Variants in SLC26A8 observed in about 807,000 individuals in gnomAD.
The protein encoded by SLC26A8 is testis anion transporter 1.
A neutral mutation model predicts 105.0 loss-of-function variants in SLC26A8; 70 were observed. The observed-to-expected ratio is 0.67, with a 90% CI of 0.55 to 0.81. SLC26A8 has a LOEUF of 0.81. Among genes scored for constraint, SLC26A8 ranks in the 40% least tolerant of loss-of-function variants. SLC26A8 has a pLI of 0.00. For synonymous variants in SLC26A8, 415 were observed against 438.3 expected, an observed-to-expected ratio of 0.95 and a Z score of 0.66; for missense variants, 998 against 1,181.8, an observed-to-expected ratio of 0.84 and a Z score of 2.28.
intron 19 of SLC26A8, among the ~76,000 whole-genome samples, chr6:35,946,950 A>G (rs1387399369): frequency 6.6e-6 from 1 of 151,772 alleles, no homozygotes; most frequent in East Asian, 1.9e-4. Flanking sequence ...TCAGTCTCCC[A>G]AAGTGCTGAC....
At chr6:36,004,035 T>G (rs1358930840) in intron 3 of SLC26A8, among the ~76,000 whole-genome samples, 2 of 151,656 alleles carry the variant, frequency 1.3e-5, no homozygotes, top group African/African-American at 2.4e-5. Flanking sequence ...CATTTTGAAC[T>G]TTATATTAAG....
At chr6:35,949,774 T>A (rs1771796232) in intron 19 of SLC26A8, among the ~76,000 whole-genome samples, 1 of 152,020 alleles carries the variant, frequency 6.6e-6, no homozygotes, top group Non-Finnish European at 1.5e-5. Flanking sequence ...GTTGTTTTTT[T>A]ATTAACTACC....
At chr6:36,000,220 T>A (rs1185199894) in intron 3 of SLC26A8, 112 bp from the exon 4 acceptor site, 7 of 672,950 alleles carry the variant, frequency 1.0e-5, no homozygotes, top group Non-Finnish European at 1.8e-5. Flanking sequence ...GCTGACTGAG[T>A]GTGGTAATAG....
chr6:36,020,968 T>C (rs1317702221), intron 1 of SLC26A8, among the ~76,000 whole-genome samples: 1 of 152,220 alleles, frequency 6.6e-6, no homozygotes, highest in Non-Finnish European at 1.5e-5. Context: ...TGGGCATTTA[T>C]CCTATGCCAT....
At position 35,977,317 on chromosome 6, in the gene SLC26A8, G is replaced by A; in HGVS notation, c.1060C>T (p.Leu354Phe). Residue 354 changes from leucine to phenylalanine, a missense_variant, in exon 9 of 20, where the codon CTT becomes TTT. Physicochemically the swap from Leu to Phe is conservative, Grantham distance 22 (BLOSUM62 0). Coordinates refer to ENST00000490799, the MANE Select transcript of SLC26A8 (RefSeq NM_052961.4). ...AAGGCTTGTAAAATTATCTTGGGAA[G>A]AAGGCTGAAATCTGGTGTTACAGGA... Reference protein sequence around the residue: ...LLPVTPDFSLLPKIILQAFSL... With the variant: ...LLPVTPDFSLFPKIILQAFSL... 1 of 1,614,012 alleles carries A rather than the reference G, an allele frequency of 6.2e-7. No individual in the cohort carries two copies. Among genetic ancestry groups the A allele is most frequent in the Non-Finnish European group, 8.5e-7 (1 of 1,179,970 alleles).
chr6:35,981,318 C>T lies in SLC26A8; in HGVS notation c.1025+803G>A, dbSNP rs918005473. Among the ~76,000 whole-genome samples, 81 of 152,112 alleles carry T rather than the reference C, an allele frequency of 5.3e-4. No individual in the cohort carries two copies. The highest frequency in any genetic ancestry group is 1.9e-3 in the African/African-American group (77 of 41,400). ...CAGGCTATTTGAAGATCACTTTCTA[C>T]CCAGAGTAAGAAAACAATGTTGCTC... On this transcript the variant is annotated intron_variant, in intron 8 of 19. Transcript: ENST00000490799. This position sits in a 1 kb window ranked among gnomAD's most constrained non-coding sequence, Gnocchi z 4.0.
At chr6:36,016,268 C>T (rs1166084654) in intron 2 of SLC26A8, among the ~76,000 whole-genome samples, 1 of 152,166 alleles carries the variant, frequency 6.6e-6, no homozygotes, top group East Asian at 1.9e-4. Context: ...GCTGGGATTA[C>T]AGGTGTGAGC....
chr6:36,011,263 T>C (rs1314466972), intron 3 of SLC26A8, among the ~76,000 whole-genome samples: 1 of 152,200 alleles, frequency 6.6e-6, no homozygotes, highest in Non-Finnish European at 1.5e-5. Flanking sequence ...GAATTGCTTA[T>C]GGTAAAAATG....
Position 35,977,339 on chromosome 6 carries a change from A to G in SLC26A8, c.1038T>C (p.Pro346=), listed in dbSNP as rs1397730296. The change falls in exon 9 of 20, where the codon CCT becomes CCC. Residue 346 remains proline (P), a synonymous_variant. Transcript: ENST00000490799. The part of the protein sequence containing the change: ...IDMIPYSFLL[P]VTPDFSLLPK... ...GAAGAAGGCTGAAATCTGGTGTTAC[A>G]GGAAGCAGAAAGCTGGAATAGAATA... 1.2e-6 allele frequency: 2 copies of G among 1,613,276 alleles called. No homozygotes were observed. The highest frequency in any genetic ancestry group is 2.2e-5 in the East Asian group (1 of 44,876).
chr6:35,991,541 C>G (rs1297249673), intron 7 of SLC26A8, 118 bp downstream of exon 7: 2 of 686,788 alleles, frequency 2.9e-6, no homozygotes, highest in African/African-American at 1.9e-5. Context: ...CATGTTTTCA[C>G]AAATATAAGC....
At chr6:35,967,528 G>A (rs1772564510) in intron 11 of SLC26A8, among the ~76,000 whole-genome samples, 1 of 152,090 alleles carries the variant, frequency 6.6e-6, no homozygotes, top group Admixed American at 6.6e-5. Flanking sequence ...TCACACAAAG[G>A]GAAGAATGAC....
intron 8 of SLC26A8, among the ~76,000 whole-genome samples, chr6:35,980,877 G>A (rs1773239791): frequency 3.3e-5 from 5 of 152,126 alleles, no homozygotes; most frequent in Admixed American, 3.3e-4. Context: ...GCCAGGCGTG[G>A]TGGCAGGCAC....
chr6:35,967,058 G>A (rs1186210401), intron 11 of SLC26A8, among the ~76,000 whole-genome samples: 3 of 152,206 alleles, frequency 2.0e-5, no homozygotes, highest in African/African-American at 4.8e-5. Flanking sequence ...TAGCAACAAA[G>A]GTGCTGTAGA....
Position 36,012,243 on chromosome 6 carries a change from T to C in SLC26A8, c.318A>G (p.Gln106=). ...LLAGISVGLV[Q]VPQGLTLSLL... ...TCATATCTTCCTTACCTTGGGGAAC[T>C]TGCACAAGGCCAACACTTATACCAG... is the stretch of plus-strand genomic sequence containing the variant. The change falls in exon 3 of 20, where the codon CAA becomes CAG. Residue 106 remains glutamine, a synonymous_variant. Transcript: ENST00000490799. The C allele has an allele frequency of 6.2e-7, 1 of 1,612,404 alleles. No individual in the cohort carries two copies. Among genetic ancestry groups the C allele is most frequent in the East Asian group, 2.2e-5 (1 of 44,848 alleles).
intron 3 of SLC26A8, 135 bp downstream of exon 3, chr6:36,012,098 G>T: frequency 7.9e-7 from 1 of 1,264,102 alleles, no homozygotes; most frequent in Non-Finnish European, 1.1e-6. Flanking sequence ...GCAGATAAGG[G>T]AACAAATGGT....
intron 2 of SLC26A8, among the ~76,000 whole-genome samples, chr6:36,014,921 C>T (rs1761955756): frequency 6.6e-6 from 1 of 151,910 alleles, no homozygotes; most frequent in African/African-American, 2.4e-5. Context: ...GTGCTATTTC[C>T]TAGTTGCTTT....
At chr6:35,949,816 T>G (rs1448133153) in intron 19 of SLC26A8, among the ~76,000 whole-genome samples, 3 of 151,486 alleles carry the variant, frequency 2.0e-5, no homozygotes, top group Non-Finnish European at 4.4e-5. Flanking sequence ...TGTGTTTTTT[T>G]GTTTTTTTTT....
chr6:35,987,655 G>A (rs1490578110), intron 7 of SLC26A8, among the ~76,000 whole-genome samples: 2 of 152,112 alleles, frequency 1.3e-5, no homozygotes, highest in East Asian at 3.9e-4. Flanking sequence ...ACAGGCGTGA[G>A]CCACCGCTCC....
intron 3 of SLC26A8, among the ~76,000 whole-genome samples, chr6:36,011,872 G>A (rs906583411): frequency 1.3e-5 from 2 of 152,196 alleles, no homozygotes; most frequent in African/African-American, 4.8e-5. Flanking sequence ...GCCTCCCAAA[G>A]TGCTGGGATT....
Sources: allele counts gnomAD v4.1 joint callset (sites outside exome capture counted in the v4.1 genomes callset), GRCh38; gene constraint gnomAD v4.1.1; non-coding constraint Gnocchi (gnomAD v3.1); transcripts MANE v1.5; gene names NCBI Gene and HGNC (gene_info 2026-07-23, HGNC 2026-07-21).